Variants in HS3ST6 observed in about 807,000 individuals in gnomAD.
HS3ST6 encodes the protein heparan sulfate glucosamine 3-O-sulfotransferase 6.
Under a neutral mutation model 11.0 loss-of-function variants are expected in HS3ST6, and 13 were observed. The observed-to-expected ratio is 1.18, with a 90% CI of 0.77 to 1.88. The LOEUF is 1.88. Ranked by LOEUF, HS3ST6 falls within the 40% of genes most tolerant of loss-of-function variation. The pLI is 0.00. For missense variants in HS3ST6, 541 were observed against 494.4 expected (o/e 1.09, Z -0.89); for synonymous variants, 232 against 230.6 (o/e 1.01, Z -0.06).
upstream of HS3ST6, chr16:1,918,483 G>A (rs1328522217): frequency 1.3e-5 from 2 of 156,290 alleles, no homozygotes; most frequent in Non-Finnish European, 2.8e-5. This position sits in a 1 kb window ranked among gnomAD's most constrained non-coding sequence, Gnocchi z 6.0. Context: ...GGGTCTGGAC[G>A]CCCTCCCCCC....
Position 1,911,654 on chromosome 16 carries a change from TC to T in HS3ST6, c.964del (p.Glu322SerfsTer13). 6.2e-7 allele frequency: 1 copy of T among 1,610,530 alleles called. No homozygotes were observed. Among genetic ancestry groups the T allele is most frequent in the Non-Finnish European group, 8.5e-7 (1 of 1,178,544 alleles). On this transcript the variant is annotated frameshift_variant, in exon 2 of 2. Coordinates refer to ENST00000454677, the MANE Select transcript of HS3ST6 (RefSeq NM_001009606.4). LOFTEE classifies it high-confidence loss of function. ...VPQALVRRLQ[E>X]FYRPFNRRFY... is the part of the protein sequence containing the mutation. ...CCTGCGGTTGAAGGGCCGGTAGAAC[TC>T]CTGCAGGCGCCGGACCAGGGCCTGG...
At chr16:1,916,757 C>A (rs1433543204) in intron 1 of HS3ST6, among the ~76,000 whole-genome samples, 1 of 148,742 alleles carries the variant, frequency 6.7e-6, no homozygotes, top group African/African-American at 2.5e-5. Flanking sequence ...CTCCCCTCCT[C>A]CCCCGTCTCG....
At position 1,918,064 on chromosome 16, in the gene HS3ST6, C is replaced by A; in HGVS notation, c.260G>T (p.Arg87Leu). 6.6e-6 allele frequency: 10 copies of A among 1,507,722 alleles called. No individual in the cohort carries two copies. Among genetic ancestry groups the A allele is most frequent in the Non-Finnish European group, 8.8e-6 (10 of 1,134,388 alleles). The allele number at this position is 1,507,722 out of a possible 1,614,324, so 93.4% of individuals were successfully genotyped here. ...PGLPLASGPG[R>L]RRFPQALIVG... The stretch of plus-strand genomic sequence containing the variant: ...GATGAGCGCTTGCGGGAAGCGCCGG[C>A]GGCCGGGACCGCTGGCCAAAGGCAG... Residue 87 changes from arginine to leucine, a missense_variant, in exon 1 of 2, where the codon CGC becomes CTC. Transcript: ENST00000454677. This position sits in a 1 kb window ranked among gnomAD's most constrained non-coding sequence, Gnocchi z 6.0.
chr16:1,914,239 A>T (rs1252459716), intron 1 of HS3ST6, among the ~76,000 whole-genome samples: 3 of 152,126 alleles, frequency 2.0e-5, no homozygotes, highest in African/African-American at 2.4e-5. Context: ...CTGCAGCTGG[A>T]ACCCGCGTGG....
upstream of HS3ST6, among the ~76,000 whole-genome samples, chr16:1,920,066 GCA>G (rs2082953062): frequency 7.6e-6 from 1 of 131,162 alleles, no homozygotes; most frequent in African/African-American, 2.8e-5. Flanking sequence ...CACGGTCTCA[GCA>G]TCCCCATGGT....
chr16:1,917,095 G>T (rs1471685497), intron 1 of HS3ST6, among the ~76,000 whole-genome samples: 1 of 152,162 alleles, frequency 6.6e-6, no homozygotes. Context: ...TAACAAATAG[G>T]GGTAGGCGTC....
At position 1,918,216 on chromosome 16, in the gene HS3ST6, G is replaced by C; in HGVS notation, c.108C>G (p.Ala36=). The part of the protein sequence containing the change: ...RASRAPMLLV[A]LVLGAYCLCA... Reference sequence around the variant, plus strand: ...AGAGGCAGTAGGCGCCGAGCACCAGGGCCACGAGCAGCATCGGCGCGCGGG... The same window carrying C: ...AGAGGCAGTAGGCGCCGAGCACCAGCGCCACGAGCAGCATCGGCGCGCGGG... The change falls in exon 1 of 2, where the codon GCC becomes GCG. Residue 36 remains alanine, a synonymous_variant. Coordinates refer to ENST00000454677, the MANE Select transcript of HS3ST6 (RefSeq NM_001009606.4). The surrounding 1 kb of genome is among the most constrained non-coding windows in gnomAD (Gnocchi z 6.0). 1.9e-6 allele frequency: 2 copies of C among 1,051,256 alleles called. No individual in the cohort carries two copies. The highest frequency in any genetic ancestry group is 2.3e-6 in the Non-Finnish European group (2 of 875,146). 65.1% of individuals were successfully genotyped at this position (1,051,256 alleles called of 1,614,324 possible).
chr16:1,920,037 T>TCTCAGGAGTCCC (rs1251158757), upstream of HS3ST6, among the ~76,000 whole-genome samples: 75 of 103,974 alleles, frequency 7.2e-4, 2 homozygotes, highest in East Asian at 1.5e-3. Context: ...TCAGGAGTCC[T>TCTCAGGAGTCCC]CACGGTCTCA....
At position 1,911,815 on chromosome 16, in the gene HS3ST6, G is replaced by C; in HGVS notation, c.804C>G (p.Gly268=). The change falls in exon 2 of 2, where the codon GGC becomes GGG. Residue 268 remains glycine (G), a synonymous_variant. Coordinates refer to ENST00000454677, the MANE Select transcript of HS3ST6 (RefSeq NM_001009606.4). ...GEVGRVQDFL[G]LKRVVTDKHF... is the part of the protein sequence containing the mutation. ...GCTTGTCCGTGACGACCCGTTTCAGGCCCAGGAAGTCCTGCACGCGGCCGA... is the reference window on the plus strand; with the variant it reads ...GCTTGTCCGTGACGACCCGTTTCAGCCCCAGGAAGTCCTGCACGCGGCCGA... 1 of 1,613,852 alleles carries C rather than the reference G, an allele frequency of 6.2e-7. No individual in the cohort carries two copies. Among genetic ancestry groups the C allele is most frequent in the Non-Finnish European group, 8.5e-7 (1 of 1,179,828 alleles).
chr16:1,919,946 T>C (rs2082952058), upstream of HS3ST6, among the ~76,000 whole-genome samples: 1 of 152,176 alleles, frequency 6.6e-6, no homozygotes, highest in South Asian at 2.1e-4. Flanking sequence ...AACGGTATTG[T>C]TCCCAACGGG....
intron 1 of HS3ST6, among the ~76,000 whole-genome samples, chr16:1,913,017 C>A (rs911050515): frequency 3.3e-4 from 50 of 152,306 alleles, no homozygotes; most frequent in African/African-American, 1.1e-3. Flanking sequence ...GTCTCGAACT[C>A]CTGACCTCAG....
chr16:1,916,194 G>A (rs77080700), intron 1 of HS3ST6, among the ~76,000 whole-genome samples: 3 of 58,106 alleles, frequency 5.2e-5, no homozygotes, highest in Admixed American at 4.6e-4. Context: ...CACTTGCAAT[G>A]CGGAAGCTCA....
chr16:1,913,841 T>C (rs2082908608), intron 1 of HS3ST6, among the ~76,000 whole-genome samples: 1 of 151,486 alleles, frequency 6.6e-6, no homozygotes, highest in Non-Finnish European at 1.5e-5. Context: ...GGGTGCTCGG[T>C]GGAGAGCGCT....
At position 1,912,348 on chromosome 16, in the gene HS3ST6, C is replaced by T. The variant is rs1597008913; in HGVS notation, c.414-143G>A. 5.4e-6 allele frequency: 4 copies of T among 740,336 alleles called. No individual in the cohort carries two copies. The South Asian group carries it at 1.9e-4, about 35-fold the overall frequency. The allele number at this position is 740,336 out of a possible 1,614,324, so 45.9% of individuals were successfully genotyped here. A position where few individuals can be genotyped will look rare whatever the true frequency, so the allele number is the denominator to read the frequency against. On this transcript the variant is annotated intron_variant, in intron 1 of 1. Coordinates refer to ENST00000454677, the MANE Select transcript of HS3ST6 (RefSeq NM_001009606.4). The surrounding 1 kb of genome is among the most constrained non-coding windows in gnomAD (Gnocchi z 5.6). The stretch of plus-strand genomic sequence containing the variant: ...GTCTTCCTCCCTGCTCGGGCCCACC[C>T]CTGCTAGCGTGCGCGGCTGGGCAGC...
chr16:1,914,897 A>C (rs572346260), intron 1 of HS3ST6, among the ~76,000 whole-genome samples: 138 of 152,142 alleles, frequency 9.1e-4, no homozygotes, highest in Admixed American at 3.5e-3. Context: ...GAGGAGGGAG[A>C]GGAGCAGGAC....
At chr16:1,919,278 C>A (rs2082948039), upstream of HS3ST6, among the ~76,000 whole-genome samples, 1 of 152,172 alleles carries the variant, frequency 6.6e-6, no homozygotes, top group African/African-American at 2.4e-5. Context: ...AGAGAAGGAG[C>A]CCAGGACCTC....
chr16:1,912,256 C>G lies in HS3ST6; in HGVS notation c.414-51G>C. ...GGCCTGAGCCTCCCCAGCCCTAGAC[C>G]GGCCCCCAGGGGCCCGGGACCAAGG... On this transcript the variant is annotated intron_variant, in intron 1 of 1. Transcript: ENST00000454677. The surrounding 1 kb of genome is among the most constrained non-coding windows in gnomAD (Gnocchi z 5.6). The G allele has an allele frequency of 2.3e-6, 3 of 1,306,776 alleles. No individual in the cohort carries two copies. The highest frequency in any genetic ancestry group is 2.9e-6 in the Non-Finnish European group (3 of 1,025,502). 80.9% of individuals were successfully genotyped at this position (1,306,776 alleles called of 1,614,324 possible).
Position 1,918,303 on chromosome 16 carries a change from C to A in HS3ST6, c.21G>T (p.Leu7=). 1 of 721,572 alleles carries A rather than the reference C, an allele frequency of 1.4e-6. No individual in the cohort carries two copies. Among genetic ancestry groups the A allele is most frequent in the South Asian group, 6.0e-5 (1 of 16,668 alleles). The allele number at this position is 721,572 out of a possible 1,614,324, so 44.7% of individuals were successfully genotyped here. Reference sequence around the variant, plus strand: ...CCTGGCCGCCCCCGGCCCCGCCGCCCAGGCCGCCGCTACCTGCCATGGGGT... The same window carrying A: ...CCTGGCCGCCCCCGGCCCCGCCGCCAAGGCCGCCGCTACCTGCCATGGGGT... MAGSGG[L]GGGAGGGQGA... Residue 7 remains leucine, a synonymous_variant, in exon 1 of 2, where the codon CTG becomes CTT. Transcript: ENST00000454677. This position sits in a 1 kb window ranked among gnomAD's most constrained non-coding sequence, Gnocchi z 6.0.
At chr16:1,915,348 T>TCA (rs1350413228) in intron 1 of HS3ST6, among the ~76,000 whole-genome samples, 2 of 152,222 alleles carry the variant, frequency 1.3e-5, no homozygotes, top group Non-Finnish European at 2.9e-5. Context: ...CAATCTCAGC[T>TCA]CACTACAACC....
Sources: gnomAD v4.1 joint callset for allele counts (sites outside exome capture counted in the v4.1 genomes callset) on GRCh38, gnomAD v4.1.1 for gene constraint, Gnocchi (gnomAD v3.1) non-coding constraint, MANE v1.5 for transcripts, NCBI Gene and HGNC (gene_info 2026-07-23, HGNC 2026-07-21) for gene names.